Variants in PTPRD observed in about 807,000 individuals in gnomAD.
PTPRD encodes receptor-type tyrosine-protein phosphatase delta.
A neutral mutation model predicts 214.5 loss-of-function variants in PTPRD; 34 were observed. The ratio of observed to expected loss-of-function variants is 0.16; its 90% CI spans 0.12 to 0.21. The LOEUF is 0.21. Among genes scored for constraint, PTPRD ranks in the 10% least tolerant of loss-of-function variants. PTPRD has a pLI of 1.00. For missense variants in PTPRD, 2,545 were observed against 2,398.7 expected (o/e 1.06, Z -1.27); for synonymous variants, 1,128 against 845.7 (o/e 1.33, Z -5.79).
chr9:10,067,296 A>G (rs1305582453), intron 3 of PTPRD, among the ~76,000 whole-genome samples: 4 of 151,880 alleles, frequency 2.6e-5, no homozygotes, highest in African/African-American at 9.7e-5. Flanking sequence ...ATTTTACTGT[A>G]TTGTGTACTA....
chr9:10,559,730 C>T (rs1232784004), intron 2 of PTPRD, among the ~76,000 whole-genome samples: 3 of 151,974 alleles, frequency 2.0e-5, no homozygotes, highest in Non-Finnish European at 2.9e-5. Flanking sequence ...CAAACAACCC[C>T]ATCAAAAAGT....
At chr9:9,081,406 T>C (rs2099758832) in intron 10 of PTPRD, among the ~76,000 whole-genome samples, 1 of 152,142 alleles carries the variant, frequency 6.6e-6, no homozygotes, top group Non-Finnish European at 1.5e-5. Context: ...AGGAGTGTTT[T>C]ACTTCCAATT....
chr9:9,928,408 GAC>G (rs1157296129), intron 5 of PTPRD, among the ~76,000 whole-genome samples: 1 of 152,068 alleles, frequency 6.6e-6, no homozygotes, highest in Non-Finnish European at 1.5e-5. Context: ...GTTATCAAAG[GAC>G]AGAGAGAGCA....
At chr9:10,109,423 G>A (rs1002662353) in intron 3 of PTPRD, among the ~76,000 whole-genome samples, 9 of 152,080 alleles carry the variant, frequency 5.9e-5, no homozygotes, top group Non-Finnish European at 1.0e-4. Flanking sequence ...AAATAAAATC[G>A]CATGTACTAC....
At chr9:9,594,205 G>C (rs2093051420) in intron 7 of PTPRD, among the ~76,000 whole-genome samples, 1 of 152,042 alleles carries the variant, frequency 6.6e-6, no homozygotes, top group African/African-American at 2.4e-5. Flanking sequence ...ACACACATGT[G>C]AGAGAGTATA....
rs1563973680 is a variant in PTPRD at position 8,329,949 on chromosome 9, CTCTGTGGGAGTGGATCGTATCTTGCTGGG to C, written c.5534+1604_5534+1632del. Among the ~76,000 whole-genome samples, 17 of 55,204 alleles carry C rather than the reference CTCTGTGGGAGTGGATCGTATCTTGCTGGG, an allele frequency of 3.1e-4. No homozygotes were observed. In the African/African-American group the frequency reaches 9.0e-3, roughly 29 times the overall value. The allele number at this position is 55,204 out of a possible 152,430, so 36.2% of individuals were successfully genotyped here. On this transcript the variant is annotated intron_variant, in intron 44 of 45. Transcript: ENST00000381196. ...AGCCAGTGGATCGTATCTTGCTGGGCTCTGTGGGAGTGGATCGTATCTTGCTGGGCTCTGTGGGGGTGGGACACACCAAG... is the reference window on the plus strand; with the variant it reads ...AGCCAGTGGATCGTATCTTGCTGGGCCTCTGTGGGGGTGGGACACACCAAG...
intron 11 of PTPRD, among the ~76,000 whole-genome samples, chr9:8,777,876 AT>A (rs557580988): frequency 1.1e-3 from 169 of 152,324 alleles, no homozygotes; most frequent in African/African-American, 3.9e-3. Flanking sequence ...TTCACATGAA[AT>A]CCTTCCTACA....
intron 7 of PTPRD, among the ~76,000 whole-genome samples, chr9:9,716,008 C>T (rs189199488): frequency 8.7e-4 from 132 of 152,120 alleles, no homozygotes; most frequent in African/African-American, 3.1e-3. Flanking sequence ...CCCCTCTCCC[C>T]CCACCCCACA....
chr9:9,012,195 C>T (rs968275058), intron 11 of PTPRD, among the ~76,000 whole-genome samples: 1 of 152,156 alleles, frequency 6.6e-6, no homozygotes. Flanking sequence ...GAAATGAATT[C>T]TGCCAACAAC....
intron 7 of PTPRD, among the ~76,000 whole-genome samples, chr9:9,714,905 G>C (rs2097792317): frequency 6.6e-6 from 1 of 152,182 alleles, no homozygotes. Flanking sequence ...GGGGTAAATT[G>C]GGCATGGAGG....
At chr9:8,365,549 A>AGGCTGATGAGCAT (rs1464125384) in intron 39 of PTPRD, among the ~76,000 whole-genome samples, 2 of 152,108 alleles carry the variant, frequency 1.3e-5, no homozygotes, top group Non-Finnish European at 2.9e-5. Context: ...GTATTTAGCC[A>AGGCTGATGAGCAT]GGCTGATGAG....
intron 4 of PTPRD, among the ~76,000 whole-genome samples, chr9:9,965,616 T>C (rs919725573): frequency 6.6e-6 from 1 of 152,196 alleles, no homozygotes; most frequent in African/African-American, 2.4e-5. Context: ...ACCTACTCCT[T>C]CTTTTCTCCT....
intron 8 of PTPRD, among the ~76,000 whole-genome samples, chr9:9,481,610 T>C (rs2095418264): frequency 6.6e-6 from 1 of 152,208 alleles, no homozygotes; most frequent in Non-Finnish European, 1.5e-5. Flanking sequence ...GATTATATTC[T>C]TTTTTAAAAC....
chr9:10,511,775 T>C (rs1022044438), intron 2 of PTPRD, among the ~76,000 whole-genome samples: 2 of 149,946 alleles, frequency 1.3e-5, no homozygotes, highest in Non-Finnish European at 3.0e-5. Flanking sequence ...CATTTTACGT[T>C]ATATATCCCT....
chr9:9,592,900 C>T (rs1262835364), intron 7 of PTPRD, among the ~76,000 whole-genome samples: 1 of 151,832 alleles, frequency 6.6e-6, no homozygotes, highest in Non-Finnish European at 1.5e-5. Context: ...CAAAAATTAG[C>T]CAGATGTGGT....
chr9:9,932,029 A>G (rs1177226265), intron 5 of PTPRD, among the ~76,000 whole-genome samples: 3 of 151,878 alleles, frequency 2.0e-5, no homozygotes, highest in Non-Finnish European at 4.4e-5. Context: ...GTCTGTTAGA[A>G]GGAAAACTAA....
At chr9:10,177,779 G>A (rs2099258192) in intron 3 of PTPRD, among the ~76,000 whole-genome samples, 1 of 151,796 alleles carries the variant, frequency 6.6e-6, no homozygotes, top group South Asian at 2.1e-4. Flanking sequence ...CTATGTTCTG[G>A]AGGGGTCATA....
intron 2 of PTPRD, among the ~76,000 whole-genome samples, chr9:10,497,612 A>T (rs1030854529): frequency 6.6e-6 from 1 of 152,050 alleles, no homozygotes; most frequent in South Asian, 2.1e-4. Flanking sequence ...TGGTGCAAGG[A>T]TTAATCTTAT....
chr9:9,472,824 T>C (rs976858517), intron 8 of PTPRD, among the ~76,000 whole-genome samples: 1 of 152,300 alleles, frequency 6.6e-6, no homozygotes, highest in South Asian at 2.1e-4. Flanking sequence ...ATCCATTTTC[T>C]TACTTTTATT....
Sources: gnomAD v4.1 joint callset for allele counts (sites outside exome capture counted in the v4.1 genomes callset) on GRCh38, gnomAD v4.1.1 for gene constraint, MANE v1.5 for transcripts, NCBI Gene and HGNC (gene_info 2026-07-23, HGNC 2026-07-21) for gene names.